The following TMEM135 variants were observed in gnomAD, a reference collection of about 807,000 sequenced individuals.
TMEM135 encodes transmembrane protein 135, also known as peroxisomal membrane protein 52.
In TMEM135, 30 loss-of-function variants were observed where a neutral mutation model predicts 60.3. The ratio of observed to expected loss-of-function variants is 0.50; its 90% confidence interval spans 0.37 to 0.68. The LOEUF (loss-of-function observed/expected upper bound fraction) is 0.68, where lower values mean the gene tolerates loss of function less well. Ranked by LOEUF, TMEM135 falls within the 30% of genes least tolerant of loss-of-function variation. The pLI, the probability that TMEM135 is intolerant of heterozygous loss-of-function variation, is 0.00. For missense variants in TMEM135, 468 were observed against 548.8 expected (o/e 0.85, Z 1.47); for synonymous variants, 190 against 186.7 (o/e 1.02, Z -0.14).
intron 3 of TMEM135, among the ~76,000 whole-genome samples, chr11:87,088,856 G>C (rs1042150858): frequency 1.3e-5 from 2 of 152,130 alleles, no homozygotes; most frequent in Non-Finnish European, 2.9e-5. Context: ...TTGTCAAAGA[G>C]ATTTGTTTAT....
intron 3 of TMEM135, among the ~76,000 whole-genome samples, chr11:87,084,719 A>G (rs1413753875): frequency 6.6e-6 from 1 of 152,260 alleles, no homozygotes; most frequent in Non-Finnish European, 1.5e-5. Context: ...AGAAGGGAAC[A>G]ATGAGAAAAG....
intron 10 of TMEM135, among the ~76,000 whole-genome samples, chr11:87,312,705 GATTT>G (rs894598589): frequency 6.6e-6 from 1 of 151,794 alleles, no homozygotes; most frequent in Non-Finnish European, 1.5e-5. Context: ...TCATTCTTTT[GATTT>G]ATTTTTCATT....
rs949339802 is a variant in TMEM135 at position 87,244,039 on chromosome 11, T to G, written c.509+7355T>G. Among the ~76,000 whole-genome samples the G allele has an allele frequency of 4.6e-5, 4 of 87,840 alleles. 1 individual carries two copies. Among genetic ancestry groups the G allele is most frequent in the Non-Finnish European group, 1.1e-4 (4 of 37,008 alleles). The allele number at this position is 87,840 out of a possible 152,430, so 57.6% of individuals were successfully genotyped here. A position where few individuals can be genotyped will look rare whatever the true frequency, so the allele number is the denominator to read the frequency against. ...AGATACGTCCCATCAATACCTAGTT[T>G]ATTGAGAGTTTTTAGCATGAAGAGT... On this transcript the variant is annotated intron_variant, in intron 6 of 14. Transcript: ENST00000305494.
chr11:87,145,823 G>T (rs1565460414), intron 4 of TMEM135, among the ~76,000 whole-genome samples: 1 of 151,428 alleles, frequency 6.6e-6, no homozygotes, highest in Non-Finnish European at 1.5e-5. Flanking sequence ...TACATATTTG[G>T]GTTATTCATT....
At chr11:87,122,503 C>T (rs1316534634) in intron 4 of TMEM135, among the ~76,000 whole-genome samples, 4 of 147,802 alleles carry the variant, frequency 2.7e-5, no homozygotes, top group Non-Finnish European at 5.9e-5. Flanking sequence ...CTCTGTTGCC[C>T]AGGCTGGAGT....
intron 5 of TMEM135, among the ~76,000 whole-genome samples, chr11:87,168,892 C>T (rs117847212): frequency 0.025 from 3,854 of 151,646 alleles, 42 homozygotes; most frequent in South Asian, 0.032. Flanking sequence ...CTAATATGGA[C>T]GATGAGGTGT....
Position 87,274,942 on chromosome 11 carries a change from C to G in TMEM135, c.510-20840C>G, listed in dbSNP as rs187547848. Among the ~76,000 whole-genome samples the G allele has an allele frequency of 2.7e-5, 4 of 150,910 alleles. No homozygotes were observed. In the East Asian group the frequency reaches 7.8e-4, roughly 29 times the overall value. On this transcript the variant is annotated intron_variant, in intron 6 of 14. Coordinates refer to ENST00000305494, the MANE Select transcript of TMEM135 (RefSeq NM_022918.4). The stretch of plus-strand genomic sequence containing the variant: ...GTTTCTGAAGAACTCTTTTTTCCCC[C>G]TAAGGAGTTCTAAGAGACATCTTTT...
chr11:87,090,628 A>G (rs1020264275), intron 3 of TMEM135, among the ~76,000 whole-genome samples: 2 of 152,120 alleles, frequency 1.3e-5, no homozygotes, highest in African/African-American at 4.8e-5. Flanking sequence ...AACCTATTGA[A>G]GACATTTCCT....
At chr11:87,162,377 C>T (rs1330116721) in intron 5 of TMEM135, among the ~76,000 whole-genome samples, 3 of 152,166 alleles carry the variant, frequency 2.0e-5, no homozygotes, top group Admixed American at 6.5e-5. Context: ...CCCTAGCCCT[C>T]CAACGCCCGA....
intron 5 of TMEM135, among the ~76,000 whole-genome samples, chr11:87,199,835 C>T (rs182170964): frequency 6.6e-6 from 1 of 152,286 alleles, no homozygotes; most frequent in Non-Finnish European, 1.5e-5. Context: ...GAGGCTGAGG[C>T]AGGAGAATTG....
intron 4 of TMEM135, among the ~76,000 whole-genome samples, chr11:87,149,069 C>A (rs1938486261): frequency 6.9e-6 from 1 of 144,458 alleles, no homozygotes; most frequent in Non-Finnish European, 1.5e-5. Flanking sequence ...TGTGTGTATG[C>A]CTGTGGAGAA....
chr11:87,217,791 A>T (rs1405126477), intron 5 of TMEM135, among the ~76,000 whole-genome samples: 5 of 152,120 alleles, frequency 3.3e-5, no homozygotes, highest in Non-Finnish European at 5.9e-5. Flanking sequence ...TCTCAAAAAA[A>T]AAAAAAGAAG....
intron 12 of TMEM135, among the ~76,000 whole-genome samples, chr11:87,315,100 G>A (rs1942705209): frequency 6.6e-6 from 1 of 151,564 alleles, no homozygotes; most frequent in African/African-American, 2.4e-5. Context: ...AAAGTTTCTT[G>A]TAGTTTATAA....
chr11:87,248,468 T>C (rs1376767121), intron 6 of TMEM135, among the ~76,000 whole-genome samples: 1 of 152,238 alleles, frequency 6.6e-6, no homozygotes, highest in African/African-American at 2.4e-5. Context: ...TTGAGCACCT[T>C]CTTATATACC....
intron 10 of TMEM135, among the ~76,000 whole-genome samples, 163 bp from the exon 11 acceptor site, chr11:87,313,262 T>C (rs1193286332): frequency 6.6e-6 from 1 of 151,836 alleles, no homozygotes; most frequent in African/African-American, 2.4e-5. Context: ...TAAAATATTA[T>C]TGTTCATAAT....
Position 87,072,024 on chromosome 11 carries a change from G to GA in TMEM135, c.362+417dup, listed in dbSNP as rs561975949. On this transcript the variant is annotated intron_variant, in intron 3 of 14. Coordinates refer to ENST00000305494, the MANE Select transcript of TMEM135 (RefSeq NM_022918.4). ...CAGCATTGGAAAACCCTGTCTCTAC[G>GA]AAAAAAAATACAAAGAATATTAGCT... Among the ~76,000 whole-genome samples the GA allele has an allele frequency of 1.5e-3, 226 of 151,414 alleles. 1 individual carries two copies. The highest frequency in any genetic ancestry group is 4.4e-3 in the African/African-American group (180 of 41,334).
At chr11:87,146,406 T>C (rs1938417926) in intron 4 of TMEM135, among the ~76,000 whole-genome samples, 1 of 152,160 alleles carries the variant, frequency 6.6e-6, no homozygotes, top group African/African-American at 2.4e-5. Context: ...TCTGGAGTAC[T>C]TGGGAGTAGT....
intron 5 of TMEM135, chr11:87,178,345 C>T (rs752763091): frequency 1.6e-5 from 7 of 449,300 alleles, no homozygotes; most frequent in Non-Finnish European, 3.1e-5. Flanking sequence ...TTTTATTATG[C>T]CACAATCTAA....
At chr11:87,204,811 AAATC>A (rs1333779044) in intron 5 of TMEM135, among the ~76,000 whole-genome samples, 1 of 152,150 alleles carries the variant, frequency 6.6e-6, no homozygotes, top group Non-Finnish European at 1.5e-5. Flanking sequence ...AGGTGGAAGA[AAATC>A]AACATACAAA....
Sources: gnomAD v4.1 joint callset for allele counts (sites outside exome capture counted in the v4.1 genomes callset) on GRCh38, gnomAD v4.1.1 for gene constraint, MANE v1.5 for transcripts, NCBI Gene and HGNC (gene_info 2026-07-23, HGNC 2026-07-21) for gene names.